Variants in ASTN2 observed in about 807,000 individuals in gnomAD.
ASTN2 encodes the protein astrotactin 2.
Under a neutral mutation model 139.8 loss-of-function variants are expected in ASTN2, and 54 were observed. The ratio of observed to expected loss-of-function variants is 0.39; its 90% CI spans 0.31 to 0.48. The LOEUF (loss-of-function observed/expected upper bound fraction) is 0.48. ASTN2 is among the 20% of genes least tolerant of loss of function. ASTN2 has a pLI of 0.95. For missense variants in ASTN2, 1,565 were observed against 1,725.1 expected (o/e 0.91, Z 1.64); for synonymous variants, 756 against 719.5 (o/e 1.05, Z -0.81).
intron 3 of ASTN2, among the ~76,000 whole-genome samples, chr9:117,152,507 C>T (rs571496883): frequency 1.3e-5 from 2 of 152,284 alleles, no homozygotes; most frequent in East Asian, 1.9e-4. Context: ...AGCTTCTGCT[C>T]ATGGTCTTCT....
intron 1 of ASTN2, among the ~76,000 whole-genome samples, chr9:117,294,764 C>A (rs1001395483): frequency 6.6e-6 from 1 of 152,202 alleles, no homozygotes; most frequent in South Asian, 2.1e-4. Flanking sequence ...TCTTCACACA[C>A]TCCATCCCTG....
intron 13 of ASTN2, among the ~76,000 whole-genome samples, chr9:116,738,432 C>T (rs528592067): frequency 1.2e-4 from 18 of 150,250 alleles, no homozygotes; most frequent in African/African-American, 3.7e-4. Flanking sequence ...ACTCGGGAGG[C>T]GGAGGTTGCA....
At chr9:116,976,571 T>A in intron 8 of ASTN2, 130 bp downstream of exon 8, 1 of 728,952 alleles carries the variant, frequency 1.4e-6, no homozygotes, top group Non-Finnish European at 2.3e-6. Flanking sequence ...TCCCATTGGG[T>A]TTTGCAGGAA....
At chr9:117,113,265 A>G (rs140713036) in intron 4 of ASTN2, among the ~76,000 whole-genome samples, 2 of 152,366 alleles carry the variant, frequency 1.3e-5, no homozygotes, top group African/African-American at 4.8e-5. Context: ...ATATGTTCAC[A>G]TAAAGACTTC....
At chr9:116,963,507 A>G (rs1371890633) in intron 10 of ASTN2, among the ~76,000 whole-genome samples, 4 of 152,188 alleles carry the variant, frequency 2.6e-5, no homozygotes, top group African/African-American at 4.8e-5. Context: ...AGCAGGAAAC[A>G]GCCATGGCCC....
intron 16 of ASTN2, among the ~76,000 whole-genome samples, chr9:116,716,950 T>C (rs1336862630): frequency 1.3e-5 from 2 of 152,202 alleles, no homozygotes; most frequent in East Asian, 1.9e-4. Context: ...GATACCAACA[T>C]CTAAAGAGTT....
chr9:117,214,526 G>A lies in ASTN2; in HGVS notation c.847C>T (p.Pro283Ser). 1.2e-6 allele frequency: 2 copies of A among 1,613,984 alleles called. No homozygotes were observed. The highest frequency in any genetic ancestry group is 1.7e-6 in the Non-Finnish European group (2 of 1,179,856). The change falls in exon 3 of 23, where the codon CCC (proline) becomes TCC (serine). Residue 283 changes from proline (P) to serine (S), a missense_variant. Pro to Ser is a moderately conservative substitution (Grantham distance 74). Around this residue, in one of 4 missense-constraint regions of ASTN2, gnomAD observed 596 missense variants for 576.8 expected, o/e 1.03. Transcript: ENST00000313400. ...TCCAGGATGGGAGTCTCCCGGATGG[G>A]CACGCCAATGACGGAATTGTGGGTT... is the stretch of plus-strand genomic sequence containing the variant. ...LQTHNSVIGV[P>S]IRETPILDDY...
chr9:116,811,606 G>C (rs1831170182), intron 12 of ASTN2, among the ~76,000 whole-genome samples: 1 of 152,138 alleles, frequency 6.6e-6, no homozygotes, highest in Non-Finnish European at 1.5e-5. Flanking sequence ...CCAGTTACAT[G>C]ACCTTGATCA....
chr9:116,815,085 T>A (rs1831273168), intron 12 of ASTN2, among the ~76,000 whole-genome samples: 1 of 152,128 alleles, frequency 6.6e-6, no homozygotes, highest in African/African-American at 2.4e-5. Context: ...GAAACCACAA[T>A]AAAACAAGTG....
intron 6 of ASTN2, among the ~76,000 whole-genome samples, chr9:117,012,796 C>T (rs989543870): frequency 1.3e-5 from 2 of 152,196 alleles, no homozygotes; most frequent in African/African-American, 2.4e-5. Context: ...AACTGGCCTG[C>T]ACTACTCTTA....
chr9:116,559,446 T>C (rs547916242), intron 19 of ASTN2, among the ~76,000 whole-genome samples: 1 of 152,298 alleles, frequency 6.6e-6, no homozygotes, highest in Admixed American at 6.5e-5. Flanking sequence ...ATTTGGAAGA[T>C]AATTCTTTTC....
chr9:116,940,579 G>GCTC (rs1835197164), intron 10 of ASTN2, among the ~76,000 whole-genome samples: 1 of 152,156 alleles, frequency 6.6e-6, no homozygotes, highest in Non-Finnish European at 1.5e-5. Flanking sequence ...ATAGAATGAA[G>GCTC]ATGTAAACCC....
At chr9:117,298,261 G>A (rs1834783999) in intron 1 of ASTN2, among the ~76,000 whole-genome samples, 1 of 152,118 alleles carries the variant, frequency 6.6e-6, no homozygotes. Flanking sequence ...ATTCTCACCA[G>A]ATATTTATAT....
intron 5 of ASTN2, among the ~76,000 whole-genome samples, chr9:117,068,034 C>T (rs1828003640): frequency 1.3e-5 from 1 of 75,176 alleles, no homozygotes; most frequent in Admixed American, 1.4e-4. Context: ...GCCAGAACTT[C>T]CAACACTATG....
chr9:117,118,651 AAAC>A (rs1829464403), intron 4 of ASTN2, among the ~76,000 whole-genome samples: 1 of 152,134 alleles, frequency 6.6e-6, no homozygotes, highest in Admixed American at 6.5e-5. Flanking sequence ...ATCAGCTGTA[AAAC>A]AATACTCCAA....
chr9:116,456,701 C>T (rs1270344857), intron 20 of ASTN2, among the ~76,000 whole-genome samples: 1 of 152,154 alleles, frequency 6.6e-6, no homozygotes, highest in South Asian at 2.1e-4. Context: ...GACTTATTCA[C>T]TATCATGAGA....
At chr9:117,252,058 A>G (rs1334624917) in intron 2 of ASTN2, among the ~76,000 whole-genome samples, 1 of 152,202 alleles carries the variant, frequency 6.6e-6, no homozygotes, top group Non-Finnish European at 1.5e-5. Flanking sequence ...TATATTCTCT[A>G]TAGGTTGGAG....
intron 2 of ASTN2, among the ~76,000 whole-genome samples, chr9:117,236,209 C>G (rs1197860900): frequency 1.3e-5 from 2 of 152,232 alleles, no homozygotes; most frequent in African/African-American, 2.4e-5. Context: ...ACACTCAATA[C>G]TGCCTTCCAT....
intron 10 of ASTN2, among the ~76,000 whole-genome samples, chr9:116,882,520 G>A (rs183727611): frequency 2.0e-5 from 3 of 152,290 alleles, no homozygotes; most frequent in Admixed American, 1.3e-4. Context: ...ACTGAGAACA[G>A]TCATTATGTT....
Sources: allele counts gnomAD v4.1 joint callset (sites outside exome capture counted in the v4.1 genomes callset), GRCh38; gene constraint gnomAD v4.1.1; regional missense constraint gnomAD v4.1.1; transcripts MANE v1.5; gene names NCBI Gene and HGNC (gene_info 2026-07-23, HGNC 2026-07-21).